The following UBA6 variants were observed in gnomAD, a reference collection of about 807,000 sequenced individuals.
The protein encoded by UBA6 is ubiquitin like modifier activating enzyme 6.
Under a neutral mutation model 148.3 loss-of-function variants are expected in UBA6, and 87 were observed. That is an observed-to-expected ratio of 0.59 (90% CI 0.49 to 0.70). The LOEUF (loss-of-function observed/expected upper bound fraction) is 0.70, where lower values mean the gene tolerates loss of function less well. Ranked by LOEUF, UBA6 falls within the 30% of genes least tolerant of loss-of-function variation. UBA6 has a pLI of 0.00. For synonymous variants in UBA6, 376 were observed against 401.0 expected (o/e 0.94, Z 0.75); for missense variants, 1,186 against 1,241.2 (o/e 0.96, Z 0.67).
intron 4 of UBA6, among the ~76,000 whole-genome samples, chr4:67,679,467 G>A (rs1730377964): frequency 6.6e-6 from 1 of 152,030 alleles, no homozygotes; most frequent in African/African-American, 2.4e-5. Context: ...AACTGTTTAT[G>A]GAGTCTGCTA....
intron 5 of UBA6, 110 bp downstream of exon 5, chr4:67,678,329 A>T (rs1026270141): frequency 1.8e-6 from 1 of 560,010 alleles, no homozygotes; most frequent in Non-Finnish European, 3.0e-6. Flanking sequence ...TGTATAAAGT[A>T]GAGCACTTTA....
At chr4:67,678,594 G>T in intron 4 of UBA6, 61 bp from the exon 5 acceptor site, 1 of 838,460 alleles carries the variant, frequency 1.2e-6, no homozygotes, top group Non-Finnish European at 1.9e-6. Context: ...ACTCTCTCCA[G>T]TATTACTGAC....
At chr4:67,634,592 G>A in intron 20 of UBA6, 74 bp from the exon 21 acceptor site, 1 of 1,114,028 alleles carries the variant, frequency 9.0e-7, no homozygotes, top group Non-Finnish European at 1.3e-6. Context: ...ATCTAGTTTT[G>A]AGCTTTAAGC....
chr4:67,660,765 C>T (rs148672181), intron 13 of UBA6, among the ~76,000 whole-genome samples: 155 of 152,210 alleles, frequency 1.0e-3, no homozygotes, highest in African/African-American at 3.5e-3. Flanking sequence ...GTAGATCCAA[C>T]GAAAGCTTGG....
intron 2 of UBA6, among the ~76,000 whole-genome samples, chr4:67,695,031 G>A (rs1730799462): frequency 6.6e-6 from 1 of 152,156 alleles, no homozygotes; most frequent in Admixed American, 6.5e-5. Flanking sequence ...CATTGTAAAT[G>A]GAAAGTTTAG....
intron 29 of UBA6, 67 bp from the exon 30 acceptor site, chr4:67,624,320 A>T (rs1292789991): frequency 7.5e-6 from 11 of 1,464,088 alleles, no homozygotes; most frequent in Non-Finnish European, 1.0e-5. Flanking sequence ...AATTGCATCT[A>T]TTCAACTTTC....
chr4:67,629,026 CA>C (rs775153216), intron 27 of UBA6, 44 bp downstream of exon 27: 32 of 1,399,346 alleles, frequency 2.3e-5, no homozygotes, highest in Non-Finnish European at 3.0e-5. Flanking sequence ...GGTACAAGTC[CA>C]AATTCCCAAA....
intron 13 of UBA6, among the ~76,000 whole-genome samples, chr4:67,654,073 A>C (rs1389394265): frequency 2.0e-5 from 3 of 152,246 alleles, no homozygotes; most frequent in Non-Finnish European, 2.9e-5. Context: ...GGTGTAACTA[A>C]AAGTGACAGG....
In UBA6 at chr4:67,663,142, A is replaced by G. The variant is rs766280203; in HGVS notation, c.1034T>C (p.Val345Ala). Residue 345 changes from valine to alanine, a missense_variant, in exon 12 of 33, where the codon GTT becomes GCT. Val to Ala is a moderately conservative substitution (Grantham distance 64, BLOSUM62 0). Coordinates refer to ENST00000322244, the MANE Select transcript of UBA6 (RefSeq NM_018227.6). ...ATTTTTAAACTTAAAACATTACCCA[A>G]CATTTGGCTTGCGACTGTATTTCTC... ...FQEKYSRKPNVGCQQDSEELL... is the reference protein window; with the variant it reads ...FQEKYSRKPNAGCQQDSEELL... The G allele has an allele frequency of 1.2e-6, 2 of 1,605,694 alleles. No individual in the cohort carries two copies. Among genetic ancestry groups the G allele is most frequent in the Non-Finnish European group, 1.7e-6 (2 of 1,176,886 alleles).
At position 67,617,965 on chromosome 4, in the gene UBA6, A is replaced by C. The variant is rs1323543000; in HGVS notation, c.*1032T>G. ...CAAAGTTTCTCTCAATAAAGACCTT[A>C]AAAAATAAATTTTTATCTTCATTAA... On this transcript the variant is annotated 3_prime_UTR_variant, in exon 33 of 33. Coordinates refer to ENST00000322244, the MANE Select transcript of UBA6 (RefSeq NM_018227.6). The C allele has an allele frequency of 6.6e-6, 1 of 151,882 alleles. No individual in the cohort carries two copies. The highest frequency in any genetic ancestry group is 1.9e-4 in the East Asian group (1 of 5,202). 9.4% of individuals were successfully genotyped at this position (151,882 alleles called of 1,614,324 possible).
intron 17 of UBA6, among the ~76,000 whole-genome samples, chr4:67,644,142 T>C (rs1445564649): frequency 6.6e-6 from 1 of 152,130 alleles, no homozygotes; most frequent in Admixed American, 6.5e-5. Flanking sequence ...AGACAGTTTA[T>C]CTTAAAAGGC....
intron 9 of UBA6, 110 bp downstream of exon 9, chr4:67,668,441 G>T: frequency 9.9e-7 from 1 of 1,007,774 alleles, no homozygotes; most frequent in Non-Finnish European, 1.5e-6. Flanking sequence ...TTGAGGCCAA[G>T]GGCTTTGGAT....
intron 30 of UBA6, 104 bp from the exon 31 acceptor site, chr4:67,623,326 T>A (rs902803353): frequency 1.3e-6 from 1 of 748,150 alleles, no homozygotes; most frequent in African/African-American, 1.8e-5. Flanking sequence ...TTATTTGTGA[T>A]CAGGCTAGAA....
intron 13 of UBA6, among the ~76,000 whole-genome samples, chr4:67,655,445 T>C (rs1244556100): frequency 2.0e-5 from 3 of 152,094 alleles, no homozygotes; most frequent in Admixed American, 6.6e-5. Context: ...GACTACTGGG[T>C]AAATAATGAA....
intron 16 of UBA6, 151 bp from the exon 17 acceptor site, chr4:67,644,929 TTTAAACAGAAGACA>T (rs1290874668): frequency 2.0e-6 from 1 of 511,844 alleles, no homozygotes; most frequent in Non-Finnish European, 3.6e-6. Flanking sequence ...GTACAATTTC[TTTAAACAGAAGACA>T]TTTAAAAATT....
At chr4:67,679,323 C>G (rs1347338000) in intron 4 of UBA6, among the ~76,000 whole-genome samples, 1 of 152,022 alleles carries the variant, frequency 6.6e-6, no homozygotes, top group African/African-American at 2.4e-5. Flanking sequence ...AACAAGGTAA[C>G]AAGAAGCTAG....
In UBA6 at chr4:67,686,952, T is replaced by TAAAAAA. The variant is rs546442640; in HGVS notation, c.135-4745_135-4740dup. On this transcript the variant is annotated intron_variant, in intron 2 of 32. Coordinates refer to ENST00000322244, the MANE Select transcript of UBA6 (RefSeq NM_018227.6). ...CTGGGCAACAGCAAGATCCTGTCTC[T>TAAAAAA]AAAAAAAAAAAAAAAAAAAAAAAAA... Among the ~76,000 whole-genome samples the TAAAAAA allele has an allele frequency of 8.2e-4, 47 of 57,176 alleles. 2 individuals carry two copies. The highest frequency in any genetic ancestry group is 3.8e-3 in the East Asian group (6 of 1,564). 37.5% of individuals were successfully genotyped at this position (57,176 alleles called of 152,430 possible). A position where few individuals can be genotyped will look rare whatever the true frequency, so the allele number is the denominator to read the frequency against.
chr4:67,701,052 C>T lies in UBA6; in HGVS notation c.68G>A (p.Gly23Asp). The T allele has an allele frequency of 1.2e-6, 2 of 1,613,818 alleles. No homozygotes were observed. The highest frequency in any genetic ancestry group is 1.7e-6 in the Non-Finnish European group (2 of 1,179,764). Reference sequence around the variant, plus strand: ...TTCGCCCTTCTCGTCCTCTCACCTGCCAGTCCCCCAGGAAGAACAGGACGC... The same window carrying T: ...TTCGCCCTTCTCGTCCTCTCACCTGTCAGTCCCCCAGGAAGAACAGGACGC... ...EEASCSSWGT[G>D]STNKNLPIMS... is the part of the protein sequence containing the mutation. The change falls in exon 1 of 33, where the codon GGC (glycine) becomes GAC (aspartate). Residue 23 changes from glycine to aspartate, a missense_variant. Gly to Asp is a moderately conservative substitution (Grantham distance 94). Coordinates refer to ENST00000322244, the MANE Select transcript of UBA6 (RefSeq NM_018227.6).
At chr4:67,641,937 A>C (rs910767783) in intron 17 of UBA6, among the ~76,000 whole-genome samples, 9 of 152,146 alleles carry the variant, frequency 5.9e-5, no homozygotes, top group African/African-American at 2.2e-4. Context: ...TTGCCACTTT[A>C]GCATTTTTAA....
Sources: allele counts gnomAD v4.1 joint callset (sites outside exome capture counted in the v4.1 genomes callset), GRCh38; gene constraint gnomAD v4.1.1; transcripts MANE v1.5; gene names NCBI Gene and HGNC (gene_info 2026-07-23, HGNC 2026-07-21).